ANKRD30A: variants seen among roughly 807,000 people sequenced by gnomAD.
ANKRD30A encodes ankyrin repeat domain-containing protein 30A.
Under a neutral mutation model 166.3 loss-of-function variants are expected in ANKRD30A, and 170 were observed. The ratio of observed to expected loss-of-function variants is 1.02; its 90% CI spans 0.90 to 1.16. The LOEUF (loss-of-function observed/expected upper bound fraction) is 1.16. ANKRD30A is among the 50% of genes most tolerant of loss of function. The pLI is 0.00. For synonymous variants in ANKRD30A, 564 were observed against 508.9 expected (o/e 1.11, Z -1.46); for missense variants, 1,630 against 1,518.0 (o/e 1.07, Z -1.23).
chr10:37,149,954 A>C (rs536731413), intron 11 of ANKRD30A, 105 bp downstream of exon 11: 3 of 1,478,846 alleles, frequency 2.0e-6, no homozygotes, highest in Admixed American at 4.0e-5. Flanking sequence ...TGATGAAAAC[A>C]TTTGATCTAG....
downstream of ANKRD30A, chr10:37,232,652 TTTTATATA>T (rs1385447544): frequency 5.4e-4 from 12 of 22,190 alleles, 2 homozygotes; most frequent in Admixed American, 3.4e-3. Flanking sequence ...GAAGCATTGG[TTTTATATA>T]TATATATATA....
intron 31 of ANKRD30A, among the ~76,000 whole-genome samples, chr10:37,206,497 A>G (rs1842004359): frequency 6.6e-6 from 1 of 152,176 alleles, no homozygotes; most frequent in Admixed American, 6.5e-5. Context: ...GCTTTATAAA[A>G]TCTGTTAGAA....
At chr10:37,130,955 T>G (rs1457286126) in intron 3 of ANKRD30A, among the ~76,000 whole-genome samples, 2 of 152,188 alleles carry the variant, frequency 1.3e-5, no homozygotes, top group Non-Finnish European at 2.9e-5. Flanking sequence ...TTCAAGGTAT[T>G]CAAGACAGTT....
intron 34 of ANKRD30A, among the ~76,000 whole-genome samples, chr10:37,226,516 A>C (rs183906938): frequency 1.1e-3 from 167 of 151,868 alleles, no homozygotes; most frequent in African/African-American, 3.9e-3. Flanking sequence ...TGCAGCAAGT[A>C]TCAGCACTTA....
rs142362140 is a variant in ANKRD30A at position 37,149,600 on chromosome 10, G to A, written c.1544-51G>A. 7.8e-3 allele frequency: 12,276 copies of A among 1,571,070 alleles called. 67 individuals carry two copies. The highest frequency in any genetic ancestry group is 0.011 in the Middle Eastern group (68 of 5,918). On this transcript the variant is annotated intron_variant, in intron 9 of 35. Coordinates refer to ENST00000361713, the MANE Select transcript of ANKRD30A (RefSeq NM_052997.3). ...ATACTATGACTGCATTCATTTGGTTGGCATTGTCATACTTACTTATGATTG... is the reference window on the plus strand; with the variant it reads ...ATACTATGACTGCATTCATTTGGTTAGCATTGTCATACTTACTTATGATTG...
chr10:37,243,101 T>C, the ANKRD30A span, among the ~76,000 whole-genome samples: 2 of 152,072 alleles, frequency 1.3e-5, no homozygotes, highest in African/African-American at 4.8e-5. Context: ...TTGGTTCATC[T>C]ACAGTTTTTT....
intron 27 of ANKRD30A, among the ~76,000 whole-genome samples, chr10:37,195,778 T>G (rs569282744): frequency 7.2e-5 from 11 of 152,058 alleles, no homozygotes; most frequent in Admixed American, 1.3e-4. Flanking sequence ...TTTCTAATAA[T>G]TTCTCAGGCG....
At chr10:37,261,025 C>T in the ANKRD30A span, among the ~76,000 whole-genome samples, 1 of 151,846 alleles carries the variant, frequency 6.6e-6, no homozygotes, top group Non-Finnish European at 1.5e-5. Flanking sequence ...TTGCACTTTA[C>T]CCCCAAATGT....
rs1554804424 is a variant in ANKRD30A at position 37,125,904 on chromosome 10, TAGAA to T, written c.121_124del (p.Lys41SerfsTer16). ...CCTACATCGTCCACTCTGGGGATCT[TAGAA>T]AGATCCATAAAGCTGCCTCCCGGGG... is the stretch of plus-strand genomic sequence containing the variant. On this transcript the variant is annotated frameshift_variant, in exon 1 of 36. Transcript: ENST00000361713. LOFTEE classifies it high-confidence loss of function. 1.9e-6 allele frequency: 3 copies of T among 1,598,446 alleles called. No homozygotes were observed. The Admixed American group carries it at 5.0e-5, about 27-fold the overall frequency.
chr10:37,207,224 A>G (rs567619411), intron 31 of ANKRD30A, among the ~76,000 whole-genome samples: 86 of 152,310 alleles, frequency 5.6e-4, no homozygotes, highest in African/African-American at 1.8e-3. Flanking sequence ...TCAATTTTAC[A>G]TTCAGCTAAA....
intron 11 of ANKRD30A, among the ~76,000 whole-genome samples, chr10:37,150,299 G>A (rs1359843599): frequency 2.6e-5 from 4 of 151,800 alleles, no homozygotes; most frequent in Admixed American, 2.0e-4. Flanking sequence ...TCAGTAACTC[G>A]GATTAGTGAA....
intron 31 of ANKRD30A, among the ~76,000 whole-genome samples, chr10:37,211,582 T>C (rs573564666): frequency 6.6e-6 from 1 of 152,122 alleles, no homozygotes; most frequent in Non-Finnish European, 1.5e-5. Context: ...TGAATAGTGC[T>C]GCAATAAACA....
At chr10:37,196,433 T>A (rs1173119846) in intron 27 of ANKRD30A, among the ~76,000 whole-genome samples, 1 of 152,184 alleles carries the variant, frequency 6.6e-6, no homozygotes, top group African/African-American at 2.4e-5. Flanking sequence ...GGAAGTGTGT[T>A]GTTTTGGTAA....
rs1281706524 is a variant in ANKRD30A at position 37,134,010 on chromosome 10, G to T, written c.712G>T (p.Gly238Ter). 3 of 1,614,028 alleles carry T rather than the reference G, an allele frequency of 1.9e-6. No homozygotes were observed. The highest frequency in any genetic ancestry group is 1.7e-6 in the Non-Finnish European group (2 of 1,179,960). The change falls in exon 5 of 36, where the codon GGA (glycine) becomes TGA (stop). Residue 238 changes from glycine (G) to a stop codon, truncating the protein, a stop_gained. Transcript: ENST00000361713. LOFTEE classifies it high-confidence loss of function. ...TGACGTCTTTGCTGCAGATATATGT[G>T]GAGTAACTGCAGAACATTATGCTGT... ...NVDVFAADICGVTAEHYAVTC... is the reference protein window; with the variant it reads ...NVDVFAADIC
At chr10:37,234,267 C>T (rs1027385583), downstream of ANKRD30A, among the ~76,000 whole-genome samples, 4 of 151,824 alleles carry the variant, frequency 2.6e-5, no homozygotes, top group African/African-American at 7.3e-5. Flanking sequence ...ATGCTTTGTT[C>T]TATATATGAG....
At chr10:37,213,549 T>C (rs1405161933) in intron 31 of ANKRD30A, among the ~76,000 whole-genome samples, 2 of 126,880 alleles carry the variant, frequency 1.6e-5, no homozygotes, top group Non-Finnish European at 3.6e-5. Flanking sequence ...ACTTTTTTCT[T>C]CTTCTTCTTT....
intron 5 of ANKRD30A, 76 bp downstream of exon 5, chr10:37,134,129 C>T: frequency 6.5e-7 from 1 of 1,538,154 alleles, no homozygotes; most frequent in South Asian, 1.2e-5. Context: ...AGTGAGTTCA[C>T]TTCATCAGCC....
At chr10:37,230,097 ATAGT>A (rs756020596) in intron 34 of ANKRD30A, among the ~76,000 whole-genome samples, 3 of 152,124 alleles carry the variant, frequency 2.0e-5, no homozygotes, top group Middle Eastern at 3.4e-3. Flanking sequence ...GATGGAGGTG[ATAGT>A]TAAAGATCTG....
intron 1 of ANKRD30A, among the ~76,000 whole-genome samples, chr10:37,127,269 C>A (rs1836099316): frequency 1.3e-5 from 2 of 151,440 alleles, no homozygotes; most frequent in South Asian, 2.1e-4. Flanking sequence ...GATTTTTGTG[C>A]CACAAAATAA....
Sources: gnomAD v4.1 joint callset for allele counts (sites outside exome capture counted in the v4.1 genomes callset) on GRCh38, gnomAD v4.1.1 for gene constraint, MANE v1.5 for transcripts, NCBI Gene and HGNC (gene_info 2026-07-23, HGNC 2026-07-21) for gene names.